The following SRP54 variants were observed in gnomAD, a reference collection of about 807,000 sequenced individuals.
SRP54 encodes signal recognition particle subunit SRP54.
Under a neutral mutation model 64.8 loss-of-function variants are expected in SRP54, and 10 were observed. The observed-to-expected ratio is 0.15, with a 90% confidence interval of 0.10 to 0.26. The LOEUF (loss-of-function observed/expected upper bound fraction) is 0.26, where lower values mean the gene tolerates loss of function less well. SRP54 is among the 10% of genes least tolerant of loss of function. SRP54 has a pLI of 1.00. For missense variants in SRP54, 325 were observed against 613.7 expected, an observed-to-expected ratio of 0.53 and a Z score of 4.97; for synonymous variants, 193 against 185.6, an observed-to-expected ratio of 1.04 and a Z score of -0.32.
intron 1 of SRP54, among the ~76,000 whole-genome samples, chr14:34,996,253 A>G (rs989805105): frequency 7.9e-5 from 12 of 152,142 alleles, no homozygotes; most frequent in African/African-American, 2.9e-4. Flanking sequence ...GCAAGAATCA[A>G]AATAGTTTGC....
intron 8 of SRP54, among the ~76,000 whole-genome samples, chr14:35,012,941 G>GTTTTT (rs761844773): frequency 4.2e-5 from 5 of 118,392 alleles, no homozygotes; most frequent in African/African-American, 6.3e-5. Flanking sequence ...AAATGTTGTA[G>GTTTTT]TTTTTTTTTT....
chr14:34,989,126 A>G (rs75072664), intron 1 of SRP54, among the ~76,000 whole-genome samples: 12,797 of 152,216 alleles, frequency 0.084, 639 homozygotes, highest in Non-Finnish European at 0.12. Context: ...GGCTGACTGT[A>G]CTATGTAGAA....
At chr14:34,988,578 A>ATATATATATATATAT (rs1555352767) in intron 1 of SRP54, among the ~76,000 whole-genome samples, 19 of 47,078 alleles carry the variant, frequency 4.0e-4, no homozygotes, top group African/African-American at 1.2e-3. Flanking sequence ...AAAAAAAAAA[A>ATATATATATATATAT]ATATATATAT....
At chr14:35,024,152 C>T (rs1344488494) in intron 14 of SRP54, among the ~76,000 whole-genome samples, 5 of 152,062 alleles carry the variant, frequency 3.3e-5, no homozygotes, top group African/African-American at 4.8e-5. Flanking sequence ...CTCAGCCTCC[C>T]GAGTAACTGG....
chr14:35,011,950 GGC>G (rs2044363070), intron 8 of SRP54, among the ~76,000 whole-genome samples: 1 of 152,152 alleles, frequency 6.6e-6, no homozygotes, highest in Admixed American at 6.5e-5. Flanking sequence ...CGGGTATGGT[GGC>G]TCACATCTAT....
rs185250372 is a variant in SRP54 at position 35,019,149 on chromosome 14, G to A, written c.1156+75G>A. The A allele has an allele frequency of 1.1e-4, 119 of 1,038,356 alleles. No homozygotes were observed. In the East Asian group the frequency reaches 1.4e-3, roughly 12 times the overall value. The allele number at this position is 1,038,356 out of a possible 1,614,324, so 64.3% of individuals were successfully genotyped here. ...AAGATGAGAGTTTCACTGTATTCTTGTGGACAAGATGGGGAGAAATTTAGC... is the reference window on the plus strand; with the variant it reads ...AAGATGAGAGTTTCACTGTATTCTTATGGACAAGATGGGGAGAAATTTAGC... On this transcript the variant is annotated intron_variant, in intron 13 of 15. Transcript: ENST00000216774.
At chr14:35,022,019 CTAG>C (rs1245618556) in intron 13 of SRP54, among the ~76,000 whole-genome samples, 2 of 152,096 alleles carry the variant, frequency 1.3e-5, no homozygotes, top group Admixed American at 6.6e-5. Flanking sequence ...AATTAAAATA[CTAG>C]TAGTAGTAAT....
intron 7 of SRP54, among the ~76,000 whole-genome samples, chr14:35,009,120 T>G (rs2044314599): frequency 6.6e-6 from 1 of 152,180 alleles, no homozygotes; most frequent in East Asian, 1.9e-4. Flanking sequence ...ACTCCTGACC[T>G]CAGGTGATCC....
Position 34,983,208 on chromosome 14 carries a change from CTT to C in SRP54, c.-38_-37del, listed in dbSNP as rs1489476996. ...CTCAGGGCCACGGCTTTAGCGGTGT[CTT>C]TTGCGGTAAGTGTCTGCTTTTTCCC... is the stretch of plus-strand genomic sequence containing the variant. On this transcript the variant is annotated 5_prime_UTR_variant, in exon 1 of 16. Coordinates refer to ENST00000216774, the MANE Select transcript of SRP54 (RefSeq NM_003136.4). The C allele has an allele frequency of 6.6e-6, 1 of 152,338 alleles. No individual in the cohort carries two copies. Among genetic ancestry groups the C allele is most frequent in the African/African-American group, 2.4e-5 (1 of 41,454 alleles). 9.4% of individuals were successfully genotyped at this position (152,338 alleles called of 1,614,324 possible).
At chr14:35,002,979 C>T (rs1594991306) in intron 4 of SRP54, among the ~76,000 whole-genome samples, 1 of 152,042 alleles carries the variant, frequency 6.6e-6, no homozygotes, top group Non-Finnish European at 1.5e-5. Context: ...CTCCTGACCT[C>T]AAGTGATCCA....
rs200952920 is a variant in SRP54, at chr14:35,014,877, A to AT, written c.973+55dup. ...ACTTCATCTCAGATTTCTTCCATTG[A>AT]TTTTTTTTATAAAGTTACTATTAAG... On this transcript the variant is annotated intron_variant, in intron 11 of 15. Transcript: ENST00000216774. The AT allele has an allele frequency of 3.0e-4, 429 of 1,415,544 alleles. 1 individual carries two copies. The East Asian group carries it at 8.3e-3, about 27-fold the overall frequency. 87.7% of individuals were successfully genotyped at this position (1,415,544 alleles called of 1,614,324 possible). A position where few individuals can be genotyped will look rare whatever the true frequency, so the allele number is the denominator to read the frequency against.
chr14:34,989,410 A>T (rs1471068108), intron 1 of SRP54, among the ~76,000 whole-genome samples: 1 of 152,030 alleles, frequency 6.6e-6, no homozygotes, highest in Non-Finnish European at 1.5e-5. Context: ...GGGAGGTTGC[A>T]GTGAGCTGAG....
intron 5 of SRP54, 138 bp downstream of exon 5, chr14:35,007,525 G>T (rs1192106440): frequency 4.8e-6 from 1 of 208,638 alleles, no homozygotes; most frequent in Non-Finnish European, 9.6e-6. Flanking sequence ...TTATTAGAAT[G>T]CATTTATATA....
chr14:35,029,143 T>A lies in SRP54; in HGVS notation c.1506T>A (p.Asn502Lys). 6.2e-7 allele frequency: 1 copy of A among 1,613,686 alleles called. No homozygotes were observed. Among genetic ancestry groups the A allele is most frequent in the Non-Finnish European group, 8.5e-7 (1 of 1,179,800 alleles). ...ACATGAAAGGCATGATGGGATTCAA[T>A]AATATGTAAAGAAAATGCCTTAATA... ...AGNMKGMMGF[N>K]NM Residue 502 changes from asparagine to lysine, a missense_variant, in exon 16 of 16, where the codon AAT becomes AAA. This residue lies in a region of SRP54 where 23 missense variants were observed against 21.7 expected (regional missense o/e 1.06). Transcript: ENST00000216774.
At position 34,994,932 on chromosome 14, in the gene SRP54, C is replaced by CT. The variant is rs59058538; in HGVS notation, c.-33-1718dup. Among the ~76,000 whole-genome samples, 228 of 84,466 alleles carry CT rather than the reference C, an allele frequency of 2.7e-3. 5 individuals are homozygous for CT. Among genetic ancestry groups the CT allele is most frequent in the Middle Eastern group, 7.0e-3 (1 of 142 alleles). 55.4% of individuals were successfully genotyped at this position (84,466 alleles called of 152,430 possible). On this transcript the variant is annotated intron_variant, in intron 1 of 15. Transcript: ENST00000216774. The stretch of plus-strand genomic sequence containing the variant: ...AGGCACATGCCGCCATGCCTGGCTA[C>CT]TTTTTTTTTTTTTTTTTTTTTTTTT...
intron 13 of SRP54, 182 bp downstream of exon 13, chr14:35,019,256 G>C: frequency 2.0e-6 from 1 of 507,548 alleles, no homozygotes. Context: ...TGCCTTCATC[G>C]TTGAGAGAAA....
At chr14:35,011,863 A>C (rs533638675) in intron 8 of SRP54, among the ~76,000 whole-genome samples, 1 of 152,330 alleles carries the variant, frequency 6.6e-6, no homozygotes, top group Admixed American at 6.5e-5. Flanking sequence ...AATTTTCATA[A>C]GTATGAAAAA....
At chr14:35,017,263 A>C (rs1313781139) in intron 11 of SRP54, among the ~76,000 whole-genome samples, 1 of 151,976 alleles carries the variant, frequency 6.6e-6, no homozygotes, top group Non-Finnish European at 1.5e-5. Flanking sequence ...ACTCTCCTTA[A>C]GTCTCTACAT....
intron 2 of SRP54, among the ~76,000 whole-genome samples, chr14:34,998,986 TGTGTGTGTGTGTGTGTGTGTGTGTGTGG>T (rs1566645472): frequency 1.3e-4 from 12 of 94,990 alleles, no homozygotes; most frequent in African/African-American, 3.8e-4. Context: ...TGTGTGTGTG[TGTGTGTGTGTGTGTGTGTGTGTGTGTGG>T]TTTTTTTTTT....
Sources: gnomAD v4.1 joint callset for allele counts (sites outside exome capture counted in the v4.1 genomes callset) on GRCh38, gnomAD v4.1.1 for gene constraint, gnomAD v4.1.1 regional missense constraint, MANE v1.5 for transcripts, NCBI Gene and HGNC (gene_info 2026-07-23, HGNC 2026-07-21) for gene names.